The following IQSEC2 variants were observed in gnomAD, a reference collection of about 807,000 sequenced individuals.
IQSEC2 encodes the protein IQ motif and Sec7 domain ArfGEF 2, also known as IQ motif and SEC7 domain-containing protein 2.
In IQSEC2, 6 loss-of-function variants were observed where a neutral mutation model predicts 74.6. The ratio of observed to expected loss-of-function variants is 0.08; its 90% CI spans 0.04 to 0.16. The LOEUF (loss-of-function observed/expected upper bound fraction) is 0.16. Among genes scored for constraint, IQSEC2 ranks in the 10% least tolerant of loss-of-function variants. The probability of loss-of-function intolerance (pLI) is 1.00; values close to 1 mark genes in which losing one functional copy is unlikely to be tolerated. For missense variants in IQSEC2, 734 were observed against 1,306.2 expected, an observed-to-expected ratio of 0.56 and a Z score of 6.75; for synonymous variants, 494 against 544.5, an observed-to-expected ratio of 0.91 and a Z score of 1.29.
At position 53,250,928 on chromosome X, in the gene IQSEC2, G is replaced by A; in HGVS notation, c.1648C>T (p.Pro550Ser). ...ACTGGTGGAGGAACTGGCGGGAGAG[G>A]GGCTGGCGCCCAGAACTCGGGCCGG... ...QGRPEFWAPA[P>S]LPPVPPPVPS... The change falls in exon 5 of 15, where the codon CCT becomes TCT. Residue 550 changes from proline to serine, a missense_variant. Transcript: ENST00000642864. The A allele has an allele frequency of 8.3e-7, 1 of 1,209,913 alleles. No homozygotes were observed. Among genetic ancestry groups the A allele is most frequent in the African/African-American group, 1.7e-5 (1 of 57,969 alleles).
chrX:53,247,346 T>A (rs782289918), intron 7 of IQSEC2, among the ~76,000 whole-genome samples: 1 of 112,449 alleles, frequency 8.9e-6, no homozygotes, highest in Non-Finnish European at 1.9e-5. Flanking sequence ...ATGTACGTTG[T>A]TTCACGTAAT....
intron 1 of IQSEC2, among the ~76,000 whole-genome samples, chrX:53,317,025 C>T (rs782281973): frequency 1.1e-4 from 12 of 110,268 alleles, no homozygotes; most frequent in South Asian, 3.9e-4. Flanking sequence ...GCGTGGGAAA[C>T]GCAGCTCTTC....
At chrX:53,262,410 A>T (rs1386021628) in intron 2 of IQSEC2, among the ~76,000 whole-genome samples, 1 of 112,425 alleles carries the variant, frequency 8.9e-6, no homozygotes, top group Non-Finnish European at 1.9e-5. Flanking sequence ...GGATATCATA[A>T]GATGAGGGCA....
At chrX:53,240,750 A>G (rs986849102) in intron 10 of IQSEC2, among the ~76,000 whole-genome samples, 3 of 110,662 alleles carry the variant, frequency 2.7e-5, no homozygotes, top group Admixed American at 1.9e-4. Context: ...TAATGAGCTC[A>G]GTTTGAAGAA....
chrX:53,234,630 C>G lies in IQSEC2; in HGVS notation c.4056G>C (p.Gln1352His). 1 of 1,137,424 alleles carries G rather than the reference C, an allele frequency of 8.8e-7. No homozygotes were observed. The highest frequency in any genetic ancestry group is 3.3e-5 in the East Asian group (1 of 30,444). 93.7% of individuals were successfully genotyped at this position (1,137,424 alleles called of 1,213,427 possible). A position where few individuals can be genotyped will look rare whatever the true frequency, so the allele number is the denominator to read the frequency against. The change falls in exon 15 of 15, where the codon CAG becomes CAC. Residue 1352 changes from glutamine (Q) to histidine (H), a missense_variant. Gln to His is a conservative substitution (Grantham distance 24). This residue lies in a region of IQSEC2 where 249 missense variants were observed against 467.9 expected (regional missense o/e 0.53). Coordinates refer to ENST00000642864, the MANE Select transcript of IQSEC2 (RefSeq NM_001111125.3). Reference sequence around the variant, plus strand: ...GGGGGTGGCGGCCATGTGGAGCAAACTGAGGGTGTCCTCCAGCCCCCCGTC... The same window carrying G: ...GGGGGTGGCGGCCATGTGGAGCAAAGTGAGGGTGTCCTCCAGCCCCCCGTC... Reference protein sequence around the residue: ...APRRGAGGHPQFAPHGRHPLH... With the variant: ...APRRGAGGHPHFAPHGRHPLH...
intron 11 of IQSEC2, among the ~76,000 whole-genome samples, chrX:53,238,756 C>T (rs1422767041): frequency 1.8e-5 from 2 of 108,310 alleles, no homozygotes; most frequent in Non-Finnish European, 3.8e-5. Flanking sequence ...CCCCTTTGCC[C>T]CAAAGCCCTC....
chrX:53,292,498 C>T (rs1248208368), intron 1 of IQSEC2, among the ~76,000 whole-genome samples: 1 of 112,024 alleles, frequency 8.9e-6, no homozygotes, highest in Admixed American at 9.5e-5. Flanking sequence ...ATGGAAGGGG[C>T]TTTGCCAACT....
intron 1 of IQSEC2, among the ~76,000 whole-genome samples, chrX:53,318,389 A>G (rs1030586183): frequency 8.9e-6 from 1 of 112,412 alleles, no homozygotes; most frequent in African/African-American, 3.2e-5. Flanking sequence ...AGAGGGAAGG[A>G]CCAAGAGGTA....
At chrX:53,235,630 T>C (rs1359259410) in intron 14 of IQSEC2, among the ~76,000 whole-genome samples, 153 bp downstream of exon 14, 2 of 110,722 alleles carry the variant, frequency 1.8e-5, no homozygotes, top group Non-Finnish European at 3.8e-5. Flanking sequence ...CAGACAGAGT[T>C]GAGGACAGAT....
chrX:53,259,844 A>G (rs1304633645), intron 2 of IQSEC2, among the ~76,000 whole-genome samples: 1 of 111,809 alleles, frequency 8.9e-6, no homozygotes, highest in Non-Finnish European at 1.9e-5. Context: ...TAACCTAACT[A>G]TTTCATTCTC....
chrX:53,311,802 G>A (rs782111555), intron 1 of IQSEC2, among the ~76,000 whole-genome samples: 2 of 112,010 alleles, frequency 1.8e-5, no homozygotes, highest in South Asian at 7.4e-4. Flanking sequence ...TGTAATCCCA[G>A]CTACTCGGGA....
intron 2 of IQSEC2, among the ~76,000 whole-genome samples, chrX:53,274,756 C>T (rs1307860155): frequency 9.0e-6 from 1 of 111,169 alleles, no homozygotes; most frequent in Non-Finnish European, 1.9e-5. Flanking sequence ...CCACCGCACC[C>T]GGCCTGCTTT....
chrX:53,241,046 G>A (rs1019490952), intron 10 of IQSEC2, among the ~76,000 whole-genome samples: 27 of 111,772 alleles, frequency 2.4e-4, no homozygotes, highest in Non-Finnish European at 4.0e-4. Context: ...AAAGTGCTGG[G>A]ATTACAGGCA....
At chrX:53,280,763 A>G (rs2074944819) in intron 2 of IQSEC2, among the ~76,000 whole-genome samples, 2 of 111,513 alleles carry the variant, frequency 1.8e-5, no homozygotes, top group Admixed American at 9.4e-5. Flanking sequence ...CAGGGCAGGG[A>G]GGCTGAGGGC....
At position 53,308,291 on chromosome X, in the gene IQSEC2, G is replaced by C. The variant is rs781960449; in HGVS notation, c.707+12126C>G. On this transcript the variant is annotated intron_variant, in intron 1 of 14. Coordinates refer to ENST00000642864, the MANE Select transcript of IQSEC2 (RefSeq NM_001111125.3). ...TGCTGGTTACCTAGGTGTTTGGTTT[G>C]TAAAAAGTGACTATATCACTTGTGA... 2.8e-5 allele frequency among the ~76,000 whole-genome samples: 3 copies of C among 108,585 alleles called. No individual in the cohort carries two copies. The Admixed American group carries it at 3.0e-4, about 11-fold the overall frequency. 94.3% of individuals were successfully genotyped at this position (108,585 alleles called of 115,157 possible). A position where few individuals can be genotyped will look rare whatever the true frequency, so the allele number is the denominator to read the frequency against.
intron 7 of IQSEC2, 83 bp downstream of exon 7, chrX:53,248,031 C>T (rs2074332712): frequency 2.8e-6 from 3 of 1,082,908 alleles, no homozygotes; most frequent in Non-Finnish European, 2.6e-6. Flanking sequence ...AAGTATGAGG[C>T]TCAGAGAAGT....
chrX:53,303,811 A>AG (rs1293629737), intron 1 of IQSEC2, among the ~76,000 whole-genome samples: 1 of 109,146 alleles, frequency 9.2e-6, no homozygotes, highest in Non-Finnish European at 1.9e-5. Context: ...AAAAAAAAAA[A>AG]AAGTGAAAGT....
At chrX:53,312,130 T>C (rs2075328024) in intron 1 of IQSEC2, among the ~76,000 whole-genome samples, 1 of 110,956 alleles carries the variant, frequency 9.0e-6, no homozygotes, top group African/African-American at 3.3e-5. Flanking sequence ...CCCATACCTC[T>C]GTGTGTTTGC....
At chrX:53,277,033 G>GT (rs1414723446) in intron 2 of IQSEC2, among the ~76,000 whole-genome samples, 17 of 106,238 alleles carry the variant, frequency 1.6e-4, no homozygotes, top group South Asian at 8.1e-4. Context: ...TATAGTTGTT[G>GT]TTTTTTTTTT....
Sources: gnomAD v4.1 joint callset for allele counts (sites outside exome capture counted in the v4.1 genomes callset) on GRCh38, gnomAD v4.1.1 for gene constraint, gnomAD v4.1.1 regional missense constraint, MANE v1.5 for transcripts, NCBI Gene and HGNC (gene_info 2026-07-23, HGNC 2026-07-21) for gene names.